The following CHLSN variants were observed in gnomAD, a reference collection of about 807,000 sequenced individuals.
The protein encoded by CHLSN is cholesin.
At chr7:1,046,781 A>C in the CHLSN span, among the ~76,000 whole-genome samples, 1 of 152,186 alleles carries the variant, frequency 6.6e-6, no homozygotes, top group South Asian at 2.1e-4. Flanking sequence ...AAGGCCAAGG[A>C]CTTTCCCCAT....
chr7:992,202 A>G, the CHLSN span, among the ~76,000 whole-genome samples: 1 of 152,126 alleles, frequency 6.6e-6, no homozygotes, highest in Non-Finnish European at 1.5e-5. Context: ...CCCCGCCTCT[A>G]GGTCTCCAGG....
the CHLSN span, among the ~76,000 whole-genome samples, chr7:999,613 G>C: frequency 1.3e-5 from 2 of 152,228 alleles, no homozygotes; most frequent in African/African-American, 4.8e-5. Context: ...ATGAAAGCAA[G>C]TGGCTGCAGG....
At chr7:1,060,490 G>C in the CHLSN span, among the ~76,000 whole-genome samples, 11 of 152,168 alleles carry the variant, frequency 7.2e-5, no homozygotes, top group African/African-American at 2.7e-4. Flanking sequence ...AGGGACAGTG[G>C]GGGTAGGGTG....
the CHLSN span, among the ~76,000 whole-genome samples, chr7:1,066,994 C>T: frequency 2.1e-5 from 3 of 144,542 alleles, no homozygotes; most frequent in Non-Finnish European, 4.5e-5. Context: ...GTTTGGGGCA[C>T]AGTCTGTTGG....
At chr7:1,017,323 G>C in the CHLSN span, among the ~76,000 whole-genome samples, 1 of 152,110 alleles carries the variant, frequency 6.6e-6, no homozygotes, top group Non-Finnish European at 1.5e-5. Flanking sequence ...GCCGTGCCCT[G>C]CTGTGCGGGT....
chr7:1,031,306 T>A, the CHLSN span, among the ~76,000 whole-genome samples: 1 of 151,810 alleles, frequency 6.6e-6, no homozygotes, highest in Non-Finnish European at 1.5e-5. Context: ...TTTAAAATGG[T>A]TGGGGGAGGA....
At chr7:983,250 G>A in the CHLSN span, 1 of 1,534,232 alleles carries the variant, frequency 6.5e-7, no homozygotes. Context: ...GCCTCCTGGG[G>A]CTCTGGGGGC....
At chr7:1,048,623 A>T in the CHLSN span, among the ~76,000 whole-genome samples, 2 of 152,194 alleles carry the variant, frequency 1.3e-5, no homozygotes, top group African/African-American at 2.4e-5. Context: ...CTGCTCACAG[A>T]CATTCATTAT....
the CHLSN span, among the ~76,000 whole-genome samples, chr7:1,132,406 AC>A: frequency 6.6e-6 from 1 of 151,982 alleles, no homozygotes; most frequent in Non-Finnish European, 1.5e-5. Flanking sequence ...CAAAAAGAAA[AC>A]CCAGGCTAGG....
the CHLSN span, among the ~76,000 whole-genome samples, chr7:1,028,095 G>C: frequency 3.3e-5 from 5 of 150,568 alleles, no homozygotes; most frequent in African/African-American, 1.2e-4. Context: ...AGCGCGGCTC[G>C]GCCGGCCCGG....
At chr7:1,100,339 G>T in the CHLSN span, among the ~76,000 whole-genome samples, 1 of 152,256 alleles carries the variant, frequency 6.6e-6, no homozygotes, top group Non-Finnish European at 1.5e-5. Context: ...TCGCTCTTCA[G>T]GTCCGGCTGG....
chr7:993,207 C>G, the CHLSN span, among the ~76,000 whole-genome samples: 1 of 152,162 alleles, frequency 6.6e-6, no homozygotes, highest in Admixed American at 6.5e-5. Context: ...CCAGACAGGG[C>G]AGGGGGACGG....
chr7:1,109,218 G>A, the CHLSN span: 2 of 152,058 alleles, frequency 1.3e-5, no homozygotes, highest in South Asian at 2.1e-4. Context: ...GAGGCAGAAG[G>A]GACGATTTCC....
At chr7:1,054,332 A>T in the CHLSN span, among the ~76,000 whole-genome samples, 3 of 152,190 alleles carry the variant, frequency 2.0e-5, no homozygotes, top group Non-Finnish European at 4.4e-5. Context: ...GGTGAACTGC[A>T]CAGAGAGCAA....
chr7:986,694 A>G, the CHLSN span: 1 of 1,612,500 alleles, frequency 6.2e-7, no homozygotes, highest in Non-Finnish European at 8.5e-7. Flanking sequence ...AAGATCGAGG[A>G]GGTCCGTGCC....
chr7:1,032,187 C>T, the CHLSN span, among the ~76,000 whole-genome samples: 16,413 of 152,238 alleles, frequency 0.11, 1,156 homozygotes, highest in Middle Eastern at 0.2. Flanking sequence ...CAGAGAACTG[C>T]TCCCGGCCCA....
the CHLSN span, among the ~76,000 whole-genome samples, chr7:996,123 A>G: frequency 6.6e-6 from 1 of 152,248 alleles, no homozygotes; most frequent in East Asian, 1.9e-4. Flanking sequence ...CAGTGAGGCC[A>G]GTCACCGCTC....
the CHLSN span, among the ~76,000 whole-genome samples, chr7:1,078,538 C>T: frequency 2.0e-5 from 3 of 152,198 alleles, no homozygotes; most frequent in Admixed American, 6.5e-5. Flanking sequence ...GATGCTCCTG[C>T]ACCCCACACT....
the CHLSN span, chr7:988,274 C>G: frequency 6.3e-7 from 1 of 1,576,508 alleles, no homozygotes. Context: ...GCTGCCCCCA[C>G]AGGGCACGCC....
Sources: gnomAD v4.1 joint callset for allele counts (sites outside exome capture counted in the v4.1 genomes callset) on GRCh38, gnomAD v4.1.1 for gene constraint, MANE v1.5 for transcripts, NCBI Gene and HGNC (gene_info 2026-07-23, HGNC 2026-07-21) for gene names.